The following TPGS1 variants were observed in gnomAD, a reference collection of about 807,000 sequenced individuals.
TPGS1 encodes the protein tubulin polyglutamylase complex subunit 1, also known as gene trap ROSA b-geo 22.
A neutral mutation model predicts 11.9 loss-of-function variants in TPGS1; 18 were observed. The observed-to-expected ratio is 1.51, with a 90% CI of 1.04 to 2.24. The LOEUF (loss-of-function observed/expected upper bound fraction) is 2.24, where lower values mean the gene tolerates loss of function less well. Ranked by LOEUF, TPGS1 falls within the 30% of genes most tolerant of loss-of-function variation. The pLI is 0.00. For missense variants in TPGS1, 500 were observed against 443.0 expected (o/e 1.13, Z -1.16); for synonymous variants, 247 against 218.2 (o/e 1.13, Z -1.16).
chr19:510,319 GC>G (rs1447275509), intron 1 of TPGS1: 2 of 151,550 alleles, frequency 1.3e-5, no homozygotes, highest in African/African-American at 4.9e-5. Flanking sequence ...CTTGCATTGA[GC>G]CGAGATCGCG....
chr19:516,632 C>T (rs58797292), intron 1 of TPGS1, among the ~76,000 whole-genome samples: 28,155 of 152,134 alleles, frequency 0.19, 4,188 homozygotes, highest in African/African-American at 0.42. Flanking sequence ...ATCCTCCCAC[C>T]TCGGCCTCCC....
At chr19:516,730 T>A (rs143423902) in intron 1 of TPGS1, among the ~76,000 whole-genome samples, 2 of 152,148 alleles carry the variant, frequency 1.3e-5, no homozygotes, top group South Asian at 4.1e-4. Flanking sequence ...CCTAAACTTA[T>A]CGGTTTTGTG....
intron 1 of TPGS1, among the ~76,000 whole-genome samples, chr19:511,661 G>A (rs908409402): frequency 2.6e-5 from 4 of 152,262 alleles, no homozygotes; most frequent in Admixed American, 6.5e-5. Context: ...CCGAGGGGCC[G>A]CGTGGATGCT....
At chr19:512,448 C>G (rs1022166702) in intron 1 of TPGS1, among the ~76,000 whole-genome samples, 1 of 152,242 alleles carries the variant, frequency 6.6e-6, no homozygotes, top group Non-Finnish European at 1.5e-5. Flanking sequence ...CAGGCAGGAG[C>G]CACGGCACCC....
intron 1 of TPGS1, among the ~76,000 whole-genome samples, chr19:517,237 AC>A (rs112880355): frequency 3.4e-5 from 5 of 148,252 alleles, no homozygotes; most frequent in African/African-American, 1.3e-4. Context: ...TTGAGGAGAG[AC>A]CTGGAGGAGA....
intron 1 of TPGS1, 42 bp from the exon 2 acceptor site, chr19:518,847 G>A: frequency 6.8e-7 from 1 of 1,466,966 alleles, no homozygotes; most frequent in Non-Finnish European, 9.0e-7. Context: ...GGCTGGGTGG[G>A]CGCGCGGTCT....
chr19:513,485 G>C (rs1036059851), intron 1 of TPGS1, among the ~76,000 whole-genome samples: 2 of 152,126 alleles, frequency 1.3e-5, no homozygotes, highest in Admixed American at 1.3e-4. Context: ...CCTGAACTGA[G>C]CAGCAGTGAT....
chr19:519,201 G>A lies in TPGS1; in HGVS notation c.651G>A (p.Val217=). The A allele has an allele frequency of 6.8e-7, 1 of 1,470,338 alleles. No homozygotes were observed. 91.1% of individuals were successfully genotyped at this position (1,470,338 alleles called of 1,614,324 possible). ...DSAAAVADRR[V]GQAVLDTLEG... ...CCGCCGCCGTGGCCGACCGCCGCGT[G>A]GGCCAGGCCGTGCTGGACACCCTGG... Residue 217 remains valine, a synonymous_variant, in exon 2 of 2, where the codon GTG becomes GTA. Transcript: ENST00000359315.
At chr19:513,461 G>A (rs865983276) in intron 1 of TPGS1, among the ~76,000 whole-genome samples, 2 of 152,102 alleles carry the variant, frequency 1.3e-5, no homozygotes, top group African/African-American at 4.8e-5. Context: ...GAGATGGCAC[G>A]TCCATCCCTA....
chr19:511,409 C>T (rs1266448037), intron 1 of TPGS1, among the ~76,000 whole-genome samples: 1 of 152,244 alleles, frequency 6.6e-6, no homozygotes, highest in East Asian at 1.9e-4. Flanking sequence ...GTCTTCCTGC[C>T]CCTCAAGGCA....
chr19:515,530 G>T (rs1055599578), intron 1 of TPGS1, among the ~76,000 whole-genome samples: 9 of 152,184 alleles, frequency 5.9e-5, no homozygotes, highest in African/African-American at 1.7e-4. Flanking sequence ...GAGGTCACTC[G>T]AGATCCAGAC....
chr19:517,025 A>G (rs1600403801), intron 1 of TPGS1, among the ~76,000 whole-genome samples: 1 of 152,096 alleles, frequency 6.6e-6, no homozygotes, highest in East Asian at 1.9e-4. Flanking sequence ...TTGATTCAAG[A>G]CATTTACTGA....
intron 1 of TPGS1, among the ~76,000 whole-genome samples, chr19:511,305 G>A (rs867301075): frequency 3.3e-5 from 5 of 152,374 alleles, no homozygotes; most frequent in Middle Eastern, 3.4e-3. Flanking sequence ...CAGGAGGGGC[G>A]GGTATGCGGC....
intron 1 of TPGS1, among the ~76,000 whole-genome samples, chr19:512,542 C>T (rs1318736293): frequency 1.3e-5 from 2 of 152,126 alleles, no homozygotes; most frequent in African/African-American, 2.4e-5. Flanking sequence ...AGAAGTAGCA[C>T]GATGGCTCTT....
chr19:516,238 C>T (rs1600403203), intron 1 of TPGS1, among the ~76,000 whole-genome samples: 1 of 152,246 alleles, frequency 6.6e-6, no homozygotes, highest in South Asian at 2.1e-4. Context: ...ACCGGCTCAG[C>T]TGGACATACA....
At chr19:514,970 C>T (rs145005394) in intron 1 of TPGS1, among the ~76,000 whole-genome samples, 49 of 152,356 alleles carry the variant, frequency 3.2e-4, no homozygotes, top group African/African-American at 1.2e-3. Flanking sequence ...AGGCTCCTCA[C>T]TGGGGCAGGG....
Position 519,294 on chromosome 19 carries a change from G to A in TPGS1, c.744G>A (p.Gly248=). Residue 248 remains glycine (G), a synonymous_variant, in exon 2 of 2, where the codon GGG becomes GGA. Coordinates refer to ENST00000359315, the MANE Select transcript of TPGS1 (RefSeq NM_033513.3). ...ARFLEAGSRL[G]PDSLALALDR... is the part of the protein sequence containing the mutation. ...TCCTGGAGGCCGGCTCGCGCTTGGG[G>A]CCCGACAGCCTGGCGCTGGCGCTGG... 1 of 1,190,048 alleles carries A rather than the reference G, an allele frequency of 8.4e-7. No individual in the cohort carries two copies. Among genetic ancestry groups the A allele is most frequent in the Non-Finnish European group, 1.0e-6 (1 of 962,340 alleles). The allele number at this position is 1,190,048 out of a possible 1,614,324, so 73.7% of individuals were successfully genotyped here.
In TPGS1 at chr19:519,258, G is replaced by C. The variant is rs1161299181; in HGVS notation, c.708G>C (p.Ala236=). The C allele has an allele frequency of 1.7e-6, 2 of 1,205,204 alleles. No homozygotes were observed. Among genetic ancestry groups the C allele is most frequent in the Non-Finnish European group, 2.1e-6 (2 of 972,540 alleles). 74.7% of individuals were successfully genotyped at this position (1,205,204 alleles called of 1,614,324 possible). A position where few individuals can be genotyped will look rare whatever the true frequency, so the allele number is the denominator to read the frequency against. The change falls in exon 2 of 2, where the codon GCG becomes GCC. Residue 236 remains alanine, a synonymous_variant. Coordinates refer to ENST00000359315, the MANE Select transcript of TPGS1 (RefSeq NM_033513.3). The part of the protein sequence containing the change: ...EGALQASDAA[A]PARFLEAGSR... Reference sequence around the variant, plus strand: ...CGCTGCAGGCCAGCGACGCCGCCGCGCCCGCGCGCTTCCTGGAGGCCGGCT... The same window carrying C: ...CGCTGCAGGCCAGCGACGCCGCCGCCCCCGCGCGCTTCCTGGAGGCCGGCT...
In TPGS1 at chr19:508,074, G is replaced by C. The variant is rs73505441; in HGVS notation, c.338+230G>C. On this transcript the variant is annotated intron_variant, in intron 1 of 1. Transcript: ENST00000359315. ...CATGCGGCGCGAGTCCTTCTGGCCG[G>C]CTTCGCCTTCTGTGATGCCTTTTTG... 6.8e-3 allele frequency: 2,677 copies of C among 395,916 alleles called. 68 individuals carry two copies. The highest frequency in any genetic ancestry group is 0.05 in the African/African-American group (2,420 of 48,572). The allele number at this position is 395,916 out of a possible 1,614,324, so 24.5% of individuals were successfully genotyped here.
Sources: allele counts gnomAD v4.1 joint callset (sites outside exome capture counted in the v4.1 genomes callset), GRCh38; gene constraint gnomAD v4.1.1; transcripts MANE v1.5; gene names NCBI Gene and HGNC (gene_info 2026-07-23, HGNC 2026-07-21).